PDE1A: variants seen among roughly 807,000 people sequenced by gnomAD.
The protein encoded by PDE1A is phosphodiesterase 1A, also known as dual specificity calcium/calmodulin-dependent 3',5'-cyclic nucleotide phosphodiesterase 1A.
PDE1A carries 35 observed loss-of-function variants against 61.7 expected under a neutral mutation model. That is an observed-to-expected ratio of 0.57 (90% CI 0.43 to 0.75). The LOEUF is 0.75. Among genes scored for constraint, PDE1A ranks in the 30% least tolerant of loss-of-function variants. PDE1A has a pLI of 0.00. For missense variants in PDE1A, 597 were observed against 630.6 expected (o/e 0.95, Z 0.57); for synonymous variants, 232 against 213.2 (o/e 1.09, Z -0.77).
chr2:182,594,668 A>C, the PDE1A span, among the ~76,000 whole-genome samples: 2 of 152,250 alleles, frequency 1.3e-5, no homozygotes, highest in Non-Finnish European at 2.9e-5. Flanking sequence ...TTATAGGACC[A>C]CTTCTTGTAT....
intron 13 of PDE1A, among the ~76,000 whole-genome samples, chr2:182,175,483 T>G (rs1490288121): frequency 7.0e-6 from 1 of 143,548 alleles, no homozygotes; most frequent in Non-Finnish European, 1.5e-5. Flanking sequence ...AAATGTCTTC[T>G]TTTGAGAAGT....
chr2:182,669,545 A>G, the PDE1A span, among the ~76,000 whole-genome samples: 1 of 152,228 alleles, frequency 6.6e-6, no homozygotes, highest in Non-Finnish European at 1.5e-5. Context: ...TCTTTAAAAC[A>G]GCAACCTTCG....
chr2:182,532,853 C>T, the PDE1A span, among the ~76,000 whole-genome samples: 112 of 134,144 alleles, frequency 8.3e-4, 1 homozygote, highest in East Asian at 1.5e-3. Context: ...GAGGCTGAGG[C>T]AGAATGGCGT....
chr2:182,595,347 G>C, the PDE1A span, among the ~76,000 whole-genome samples: 1 of 152,178 alleles, frequency 6.6e-6, no homozygotes, highest in Non-Finnish European at 1.5e-5. Flanking sequence ...ATCCTCCTCT[G>C]CTGATTGTCC....
the PDE1A span, among the ~76,000 whole-genome samples, chr2:182,543,207 T>C: frequency 6.6e-6 from 1 of 152,186 alleles, no homozygotes; most frequent in Non-Finnish European, 1.5e-5. Context: ...ATAAATAAGA[T>C]TGTGGAAAAT....
the PDE1A span, among the ~76,000 whole-genome samples, chr2:182,594,405 T>C: frequency 2.0e-5 from 3 of 152,362 alleles, no homozygotes; most frequent in East Asian, 5.8e-4. Flanking sequence ...TTTCTAGTCC[T>C]CACAGCAACT....
the PDE1A span, among the ~76,000 whole-genome samples, chr2:182,688,313 G>A: frequency 6.6e-6 from 1 of 152,182 alleles, no homozygotes; most frequent in Non-Finnish European, 1.5e-5. Flanking sequence ...AAGCCCATCA[G>A]ACTAACAGCT....
chr2:182,156,228 A>G (rs1184672795), intron 13 of PDE1A, among the ~76,000 whole-genome samples: 1 of 142,790 alleles, frequency 7.0e-6, no homozygotes, highest in Non-Finnish European at 1.5e-5. Flanking sequence ...ACTTAAGTTT[A>G]TAATTATTAA....
At chr2:182,154,593 A>T (rs1250305514) in intron 13 of PDE1A, among the ~76,000 whole-genome samples, 1 of 152,140 alleles carries the variant, frequency 6.6e-6, no homozygotes, top group Non-Finnish European at 1.5e-5. Flanking sequence ...ATGGTTTAAT[A>T]AATGGGAGGT....
rs558345268 is a variant in PDE1A at position 182,210,894 on chromosome 2, A to G, written c.777-4829T>C. 1.9e-4 allele frequency among the ~76,000 whole-genome samples: 17 copies of G among 90,166 alleles called. No individual in the cohort carries two copies. The East Asian group carries it at 9.9e-3, about 52-fold the overall frequency. The allele number at this position is 90,166 out of a possible 152,430, so 59.2% of individuals were successfully genotyped here. A position where few individuals can be genotyped will look rare whatever the true frequency, so the allele number is the denominator to read the frequency against. On this transcript the variant is annotated intron_variant, in intron 7 of 13. Coordinates refer to ENST00000351439, the Ensembl canonical transcript of PDE1A. ...GTGACAGAATACCTGAGGCTGGGTA[A>G]TTTATCAAAAAAAAAAAAGAAATTT...
At chr2:182,473,943 G>A (rs1034641405) in intron 2 of PDE1A, among the ~76,000 whole-genome samples, 16 of 151,842 alleles carry the variant, frequency 1.1e-4, no homozygotes, top group Non-Finnish European at 1.5e-5. Flanking sequence ...GTGCTACAGT[G>A]AACATACATG....
At chr2:182,710,162 T>A in the PDE1A span, among the ~76,000 whole-genome samples, 2 of 152,238 alleles carry the variant, frequency 1.3e-5, no homozygotes, top group Non-Finnish European at 2.9e-5. Flanking sequence ...CCCAAAGTGC[T>A]GGGATTACAG....
At chr2:182,424,056 T>C (rs1574624387) in intron 1 of PDE1A, among the ~76,000 whole-genome samples, 1 of 151,466 alleles carries the variant, frequency 6.6e-6, no homozygotes, top group East Asian at 2.0e-4. Flanking sequence ...GCGATTCTCA[T>C]GCCTCAGCCT....
upstream of PDE1A, among the ~76,000 whole-genome samples, chr2:182,525,986 A>G (rs1372108522): frequency 6.6e-6 from 1 of 152,182 alleles, no homozygotes; most frequent in African/African-American, 2.4e-5. Context: ...ACAAAATCCC[A>G]AGTTAGCATC....
At chr2:182,351,673 C>A (rs186834504) in intron 1 of PDE1A, among the ~76,000 whole-genome samples, 3 of 152,090 alleles carry the variant, frequency 2.0e-5, no homozygotes, top group Admixed American at 6.6e-5. Context: ...GGCACTTTAC[C>A]GTGACATTTG....
At chr2:182,274,363 C>A (rs1693252123) in intron 1 of PDE1A, among the ~76,000 whole-genome samples, 1 of 151,982 alleles carries the variant, frequency 6.6e-6, no homozygotes, top group African/African-American at 2.4e-5. Context: ...CGGAAAAAAA[C>A]CACAGAAAGA....
At chr2:182,280,675 C>T (rs572587986) in intron 1 of PDE1A, among the ~76,000 whole-genome samples, 12 of 151,954 alleles carry the variant, frequency 7.9e-5, no homozygotes, top group Non-Finnish European at 1.3e-4. Context: ...TTCAAAAATT[C>T]GCTAAAATAA....
At chr2:182,527,318 A>T (rs1559543340), upstream of PDE1A, among the ~76,000 whole-genome samples, 5 of 48,622 alleles carry the variant, frequency 1.0e-4, no homozygotes, top group Admixed American at 3.3e-4. Context: ...AAAAAAAAAA[A>T]AAAAAAAAAA....
intron 2 of PDE1A, among the ~76,000 whole-genome samples, chr2:182,442,687 CTG>C (rs1269534610): frequency 3.3e-5 from 5 of 151,950 alleles, no homozygotes; most frequent in Non-Finnish European, 5.9e-5. Flanking sequence ...CTGGACTTCC[CTG>C]TACTATTCTT....
Sources: gnomAD v4.1 joint callset for allele counts (sites outside exome capture counted in the v4.1 genomes callset) on GRCh38, gnomAD v4.1.1 for gene constraint, MANE v1.5 for transcripts, NCBI Gene and HGNC (gene_info 2026-07-23, HGNC 2026-07-21) for gene names.